Variants in MAP3K5 observed in about 807,000 individuals in gnomAD.
MAP3K5 encodes the protein mitogen-activated protein kinase kinase kinase 5, also known as ASK-1.
In MAP3K5, 56 loss-of-function variants were observed where a neutral mutation model predicts 158.7. The ratio of observed to expected loss-of-function variants is 0.35; its 90% CI spans 0.28 to 0.44. The LOEUF is 0.44. Ranked by LOEUF, MAP3K5 falls within the 20% of genes least tolerant of loss-of-function variation. The pLI is 1.00. For synonymous variants in MAP3K5, 579 were observed against 601.7 expected (o/e 0.96, Z 0.55); for missense variants, 1,294 against 1,674.8 (o/e 0.77, Z 3.97).
intron 7 of MAP3K5, among the ~76,000 whole-genome samples, chr6:136,678,905 T>C (rs1779817879): frequency 1.3e-5 from 2 of 152,096 alleles, no homozygotes; most frequent in South Asian, 2.1e-4. Flanking sequence ...TTTGTATTTT[T>C]AGTAGAGATG....
intron 25 of MAP3K5, among the ~76,000 whole-genome samples, chr6:136,570,658 A>T (rs1774321851): frequency 6.6e-6 from 1 of 152,232 alleles, no homozygotes; most frequent in African/African-American, 2.4e-5. Flanking sequence ...GGTTTTAAAA[A>T]GTGCATAACA....
rs762538129 is a variant in MAP3K5, at chr6:136,669,347, A to G, written c.1302T>C (p.Asn434=). 8 of 1,613,882 alleles carry G rather than the reference A, an allele frequency of 5.0e-6. No individual in the cohort carries two copies. In the South Asian group the frequency reaches 8.8e-5, roughly 18 times the overall value. Reference sequence around the variant, plus strand: ...CAGCTGCCAGGAGGAGGACCGCATAATTAATTCCTGACTGTAGTGTTGGCT... The same window carrying G: ...CAGCTGCCAGGAGGAGGACCGCATAGTTAATTCCTGACTGTAGTGTTGGCT... ...ESEPTLQSGI[N]YAVLLLAAGH... is the part of the protein sequence containing the mutation. Residue 434 remains asparagine (N), a synonymous_variant, in exon 8 of 30, where the codon AAT becomes AAC. Coordinates refer to ENST00000359015, the MANE Select transcript of MAP3K5 (RefSeq NM_005923.4).
chr6:136,646,061 T>G (rs1778240037), intron 11 of MAP3K5, among the ~76,000 whole-genome samples: 1 of 152,178 alleles, frequency 6.6e-6, no homozygotes, highest in Non-Finnish European at 1.5e-5. Context: ...ATTTTACCAC[T>G]TTTATTTTAA....
intron 24 of MAP3K5, among the ~76,000 whole-genome samples, chr6:136,580,839 C>T (rs958617186): frequency 1.3e-5 from 2 of 152,016 alleles, no homozygotes; most frequent in East Asian, 3.9e-4. Flanking sequence ...TTTGGAGACA[C>T]GGTCTTGCTC....
chr6:136,710,105 T>C (rs539919351), intron 2 of MAP3K5, among the ~76,000 whole-genome samples: 1 of 152,336 alleles, frequency 6.6e-6, no homozygotes, highest in East Asian at 1.9e-4. Flanking sequence ...AAAGGTACTG[T>C]TTGTTCATTT....
intron 1 of MAP3K5, among the ~76,000 whole-genome samples, chr6:136,762,920 C>T (rs1783819184): frequency 1.3e-5 from 2 of 152,296 alleles, no homozygotes; most frequent in Admixed American, 1.3e-4. Flanking sequence ...CAAATGCTGC[C>T]TATTTCCAAG....
intron 1 of MAP3K5, among the ~76,000 whole-genome samples, chr6:136,758,041 T>C (rs1243479490): frequency 1.3e-5 from 2 of 152,236 alleles, no homozygotes; most frequent in Non-Finnish European, 2.9e-5. Context: ...AATTAAAACT[T>C]ATTTTAATAC....
intron 25 of MAP3K5, among the ~76,000 whole-genome samples, chr6:136,576,690 G>A (rs1774633398): frequency 6.6e-6 from 1 of 152,114 alleles, no homozygotes; most frequent in Non-Finnish European, 1.5e-5. Context: ...ATTGAAGAAT[G>A]GCATTTAGAA....
At chr6:136,759,583 A>C (rs1261051579) in intron 1 of MAP3K5, among the ~76,000 whole-genome samples, 1 of 149,276 alleles carries the variant, frequency 6.7e-6, no homozygotes, top group African/African-American at 2.5e-5. Flanking sequence ...CGATCCTCCC[A>C]CCTCAGCCTC....
chr6:136,683,447 AC>A (rs781605396), intron 7 of MAP3K5, among the ~76,000 whole-genome samples: 12 of 152,156 alleles, frequency 7.9e-5, no homozygotes, highest in Non-Finnish European at 1.6e-4. Context: ...GGTCAAAGCC[AC>A]CCATGGCCAT....
intron 1 of MAP3K5, among the ~76,000 whole-genome samples, chr6:136,737,224 T>A (rs1782514401): frequency 7.0e-6 from 1 of 142,376 alleles, no homozygotes; most frequent in Non-Finnish European, 1.5e-5. Context: ...GAATAGACAC[T>A]GGGGATACTA....
chr6:136,742,380 C>T (rs886424555), intron 1 of MAP3K5, among the ~76,000 whole-genome samples: 6 of 150,920 alleles, frequency 4.0e-5, no homozygotes, highest in Non-Finnish European at 7.4e-5. Context: ...TATAATGAAA[C>T]AAGGATAATC....
chr6:136,669,451 T>C lies in MAP3K5; in HGVS notation c.1254-56A>G, dbSNP rs1052083556. 3 of 973,674 alleles carry C rather than the reference T, an allele frequency of 3.1e-6. No individual in the cohort carries two copies. The Admixed American group carries it at 5.6e-5, about 18-fold the overall frequency. 60.3% of individuals were successfully genotyped at this position (973,674 alleles called of 1,614,324 possible). A position where few individuals can be genotyped will look rare whatever the true frequency, so the allele number is the denominator to read the frequency against. On this transcript the variant is annotated intron_variant, in intron 7 of 29. Transcript: ENST00000359015. Reference sequence around the variant, plus strand: ...TTTCTCAATCATGAAACCCTGGGTGTGTAATAGCTTCTGTTTGTATAACTC... The same window carrying C: ...TTTCTCAATCATGAAACCCTGGGTGCGTAATAGCTTCTGTTTGTATAACTC...
intron 1 of MAP3K5, among the ~76,000 whole-genome samples, chr6:136,761,418 C>T (rs934980220): frequency 5.3e-5 from 8 of 151,876 alleles, no homozygotes; most frequent in Non-Finnish European, 8.8e-5. Flanking sequence ...GTGTGGAGGA[C>T]AGAAGGTTCT....
intron 8 of MAP3K5, among the ~76,000 whole-genome samples, chr6:136,666,912 A>C (rs1779252335): frequency 6.6e-6 from 1 of 152,224 alleles, no homozygotes; most frequent in Non-Finnish European, 1.5e-5. Flanking sequence ...TTTTAAACTA[A>C]CTTTGTATGT....
intron 1 of MAP3K5, among the ~76,000 whole-genome samples, chr6:136,785,087 A>G (rs1035728325): frequency 3.3e-5 from 5 of 152,244 alleles, no homozygotes; most frequent in Admixed American, 3.3e-4. Flanking sequence ...CTCGGAAAGT[A>G]TATTGAAAGT....
At chr6:136,748,615 A>C (rs1021089102) in intron 1 of MAP3K5, among the ~76,000 whole-genome samples, 3 of 152,242 alleles carry the variant, frequency 2.0e-5, no homozygotes, top group Admixed American at 1.3e-4. Flanking sequence ...CTATAAGATT[A>C]GTTTCTTGAA....
At chr6:136,689,630 G>A (rs779291024) in intron 7 of MAP3K5, among the ~76,000 whole-genome samples, 2 of 152,166 alleles carry the variant, frequency 1.3e-5, no homozygotes, top group Admixed American at 6.5e-5. Context: ...AATCGGTTCT[G>A]TATAGAGGGA....
rs149181972 is a variant in MAP3K5 at position 136,740,237 on chromosome 6, G to A, written c.449-19648C>T. On this transcript the variant is annotated intron_variant, in intron 1 of 29. Coordinates refer to ENST00000359015, the MANE Select transcript of MAP3K5 (RefSeq NM_005923.4). The stretch of plus-strand genomic sequence containing the variant: ...CTTTGGTCATTTCTTGTTTGTGTGG[G>A]AGTGTGCACAGCGGGGCTGGGGACG... Among the ~76,000 whole-genome samples, 66 of 152,322 alleles carry A rather than the reference G, an allele frequency of 4.3e-4. 1 individual carries two copies. In the East Asian group the frequency reaches 0.011, roughly 25 times the overall value.
Sources: gnomAD v4.1 joint callset for allele counts (sites outside exome capture counted in the v4.1 genomes callset) on GRCh38, gnomAD v4.1.1 for gene constraint, MANE v1.5 for transcripts, NCBI Gene and HGNC (gene_info 2026-07-23, HGNC 2026-07-21) for gene names.